Variants in DPP6 observed in about 807,000 individuals in gnomAD.
The protein encoded by DPP6 is dipeptidyl peptidase like 6.
A neutral mutation model predicts 122.6 loss-of-function variants in DPP6; 69 were observed. The ratio of observed to expected loss-of-function variants is 0.56; its 90% confidence interval spans 0.46 to 0.69. DPP6 has a LOEUF of 0.69. Ranked by LOEUF, DPP6 falls within the 30% of genes least tolerant of loss-of-function variation. The pLI is 0.00. For missense variants in DPP6, 928 were observed against 1,116.9 expected (o/e 0.83, Z 2.41); for synonymous variants, 418 against 433.1 (o/e 0.97, Z 0.43).
At chr7:154,881,466 T>C (rs12719631) in intron 21 of DPP6, among the ~76,000 whole-genome samples, 114,220 of 152,124 alleles carry the variant, frequency 0.75, 43,155 homozygotes, top group East Asian at 0.93. Flanking sequence ...GAGTTAGGTC[T>C]CTGCACCGCC....
intron 1 of DPP6, among the ~76,000 whole-genome samples, chr7:154,405,969 G>A (rs554161501): frequency 3.9e-5 from 6 of 152,258 alleles, no homozygotes; most frequent in South Asian, 4.1e-4. Context: ...TTTGAAATGC[G>A]ATGCGTAACA....
chr7:154,522,313 A>G (rs1016850911), intron 3 of DPP6, among the ~76,000 whole-genome samples: 1 of 152,190 alleles, frequency 6.6e-6, no homozygotes, highest in African/African-American at 2.4e-5. Flanking sequence ...AATCAGGTGT[A>G]GTGAACCTCC....
intron 1 of DPP6, among the ~76,000 whole-genome samples, chr7:154,096,940 C>T (rs956124724): frequency 2.6e-5 from 4 of 152,200 alleles, no homozygotes; most frequent in Non-Finnish European, 5.9e-5. Context: ...GCAAGGCTGG[C>T]TCAAGAAATG....
At position 154,883,542 on chromosome 7, in the gene DPP6, TCA is replaced by T. The variant is rs1163532646; in HGVS notation, c.2134-2083_2134-2082del. The T allele has an allele frequency of 1.3e-4, 13 of 100,076 alleles. 1 individual carries two copies. The highest frequency in any genetic ancestry group is 4.0e-4 in the Admixed American group (4 of 9,922). 6.2% of individuals were successfully genotyped at this position (100,076 alleles called of 1,614,324 possible). A position where few individuals can be genotyped will look rare whatever the true frequency, so the allele number is the denominator to read the frequency against. ...CACATGCTCACACACGCTCACACAT[TCA>T]CACACACCTGCTCACACATACACAT... is the stretch of plus-strand genomic sequence containing the variant. On this transcript the variant is annotated intron_variant, in intron 21 of 25. Coordinates refer to ENST00000377770, the MANE Select transcript of DPP6 (RefSeq NM_130797.4).
At chr7:154,557,085 A>G (rs920192636) in intron 4 of DPP6, among the ~76,000 whole-genome samples, 1 of 152,194 alleles carries the variant, frequency 6.6e-6, no homozygotes, top group African/African-American at 2.4e-5. Flanking sequence ...TCAAAAAATC[A>G]CAACTTCGAC....
At chr7:154,639,497 T>C (rs1473898073) in intron 6 of DPP6, among the ~76,000 whole-genome samples, 1 of 152,232 alleles carries the variant, frequency 6.6e-6, no homozygotes, top group Admixed American at 6.5e-5. Flanking sequence ...TGATAGATAT[T>C]TCGTTCCATC....
At chr7:154,528,876 T>C (rs1472236870) in intron 3 of DPP6, among the ~76,000 whole-genome samples, 1 of 152,072 alleles carries the variant, frequency 6.6e-6, no homozygotes, top group East Asian at 1.9e-4. Flanking sequence ...GGGAGCAGTG[T>C]GAGGGAGTGC....
intron 1 of DPP6, among the ~76,000 whole-genome samples, chr7:154,024,979 C>T (rs984842697): frequency 3.3e-5 from 5 of 152,198 alleles, no homozygotes; most frequent in African/African-American, 9.6e-5. Context: ...AGGGACCTTG[C>T]ATGTCTTATA....
intron 1 of DPP6, among the ~76,000 whole-genome samples, chr7:154,213,566 G>T (rs1481820649): frequency 6.6e-6 from 1 of 152,166 alleles, no homozygotes; most frequent in African/African-American, 2.4e-5. Flanking sequence ...CGTCCAAGAA[G>T]CCTCGCACAC....
At chr7:154,263,114 A>G (rs1034264077) in intron 1 of DPP6, among the ~76,000 whole-genome samples, 1 of 152,226 alleles carries the variant, frequency 6.6e-6, no homozygotes, top group Non-Finnish European at 1.5e-5. Context: ...TAACCATGAT[A>G]TAGATAACCA....
chr7:153,992,558 C>G (rs1275084553), intron 1 of DPP6, among the ~76,000 whole-genome samples: 5 of 152,208 alleles, frequency 3.3e-5, no homozygotes, highest in African/African-American at 1.2e-4. Flanking sequence ...GTGCCCCACA[C>G]CTGCTGTTCT....
intron 1 of DPP6, among the ~76,000 whole-genome samples, chr7:154,079,046 C>G (rs1208624721): frequency 6.6e-6 from 1 of 151,400 alleles, no homozygotes; most frequent in African/African-American, 2.4e-5. Context: ...ATCACGCGGT[C>G]AGGAGATGGA....
Position 154,129,019 on chromosome 7 carries a change from A to C in DPP6, c.243+75956A>C, listed in dbSNP as rs555081318. Among the ~76,000 whole-genome samples the C allele has an allele frequency of 2.2e-4, 34 of 152,246 alleles. 1 individual carries two copies. Among genetic ancestry groups the C allele is most frequent in the South Asian group, 1.0e-3 (5 of 4,814 alleles). On this transcript the variant is annotated intron_variant, in intron 1 of 25. Transcript: ENST00000377770. ...GCATCTTCTCTACCTTGTTGAGGAC[A>C]TAACATCTCCATCAGAGATTCTTAC... is the stretch of plus-strand genomic sequence containing the variant.
intron 1 of DPP6, among the ~76,000 whole-genome samples, chr7:154,236,931 C>CT (rs1277092091): frequency 1.3e-5 from 2 of 152,086 alleles, no homozygotes; most frequent in Non-Finnish European, 1.5e-5. Flanking sequence ...CACAACCTCC[C>CT]TCCACACAGC....
At chr7:154,643,642 G>A (rs1836257560) in intron 6 of DPP6, among the ~76,000 whole-genome samples, 1 of 151,884 alleles carries the variant, frequency 6.6e-6, no homozygotes, top group Admixed American at 6.6e-5. Context: ...CTAATTTTTT[G>A]TATTTTTAGT....
chr7:154,112,714 A>G (rs1021297785), intron 1 of DPP6, among the ~76,000 whole-genome samples: 2 of 152,146 alleles, frequency 1.3e-5, no homozygotes, highest in African/African-American at 4.8e-5. Flanking sequence ...ATAACTAAAC[A>G]TAACTACAAA....
intron 16 of DPP6, among the ~76,000 whole-genome samples, chr7:154,853,390 C>T (rs2150578097): frequency 6.6e-6 from 1 of 152,342 alleles, no homozygotes; most frequent in South Asian, 2.1e-4. Flanking sequence ...GAGGAGCCAG[C>T]AGACTTAGCA....
intron 1 of DPP6, among the ~76,000 whole-genome samples, chr7:154,060,612 T>G (rs141617932): frequency 1.3e-4 from 10 of 78,166 alleles, no homozygotes; most frequent in South Asian, 4.8e-4. Context: ...TTCCCCCCCC[T>G]GGCTCTGAGG....
intron 1 of DPP6, among the ~76,000 whole-genome samples, chr7:154,082,707 A>G (rs1178733419): frequency 6.6e-6 from 1 of 151,918 alleles, no homozygotes; most frequent in Non-Finnish European, 1.5e-5. Context: ...TTCAAGGCTG[A>G]TAGAATCAAG....
Sources: allele counts gnomAD v4.1 joint callset (sites outside exome capture counted in the v4.1 genomes callset), GRCh38; gene constraint gnomAD v4.1.1; transcripts MANE v1.5; gene names NCBI Gene and HGNC (gene_info 2026-07-23, HGNC 2026-07-21).